Variants in VEPH1 observed in about 807,000 individuals in gnomAD.
VEPH1 encodes the protein ventricular zone-expressed PH domain-containing protein homolog 1.
In VEPH1, 80 loss-of-function variants were observed where a neutral mutation model predicts 85.2. That is an observed-to-expected ratio of 0.94 (90% confidence interval 0.78 to 1.13). The LOEUF (loss-of-function observed/expected upper bound fraction) is 1.13, where lower values mean the gene tolerates loss of function less well. Ranked by LOEUF, VEPH1 falls within the 50% of genes most tolerant of loss-of-function variation. VEPH1 has a pLI of 0.00. For missense variants in VEPH1, 955 were observed against 980.5 expected (o/e 0.97, Z 0.35); for synonymous variants, 297 against 348.0 (o/e 0.85, Z 1.63).
At chr3:157,407,168 T>A (rs1394699821) in intron 6 of VEPH1, among the ~76,000 whole-genome samples, 10 of 152,134 alleles carry the variant, frequency 6.6e-5, no homozygotes, top group Admixed American at 2.0e-4. Flanking sequence ...CCCTCTAAAG[T>A]GGAAACAAAC....
chr3:157,395,745 G>A lies in VEPH1; in HGVS notation c.907-14369C>T, dbSNP rs549634271. Among the ~76,000 whole-genome samples, 5 of 152,158 alleles carry A rather than the reference G, an allele frequency of 3.3e-5. 1 individual carries two copies. In the South Asian group the frequency reaches 1.0e-3, roughly 32 times the overall value. On this transcript the variant is annotated intron_variant, in intron 6 of 13. Transcript: ENST00000362010. ...TTTTATTTTAGGTTTGGGGGTGCAAGTGAAGGTTTGTCACATAGGTAAACA... is the reference window on the plus strand; with the variant it reads ...TTTTATTTTAGGTTTGGGGGTGCAAATGAAGGTTTGTCACATAGGTAAACA...
intron 7 of VEPH1, among the ~76,000 whole-genome samples, chr3:157,370,256 G>A (rs1340937660): frequency 6.6e-6 from 1 of 152,164 alleles, no homozygotes; most frequent in Admixed American, 6.5e-5. Context: ...ACTAAGCGGG[G>A]AGATGAGACT....
At chr3:157,469,661 A>T (rs749364492) in intron 3 of VEPH1, among the ~76,000 whole-genome samples, 1 of 152,220 alleles carries the variant, frequency 6.6e-6, no homozygotes, top group Non-Finnish European at 1.5e-5. Flanking sequence ...ACCTATCAAC[A>T]TCTCTGGTTG....
intron 5 of VEPH1, among the ~76,000 whole-genome samples, chr3:157,420,902 T>C (rs556570160): frequency 1.3e-5 from 2 of 152,222 alleles, no homozygotes; most frequent in Non-Finnish European, 2.9e-5. Flanking sequence ...GTTACTAAAC[T>C]CTGTTCCTTT....
intron 12 of VEPH1, among the ~76,000 whole-genome samples, chr3:157,277,132 C>T (rs1237377319): frequency 2.6e-5 from 4 of 152,188 alleles, no homozygotes; most frequent in Non-Finnish European, 5.9e-5. Flanking sequence ...ATCAAGTGAT[C>T]CACCCACCTG....
chr3:157,403,232 T>A (rs1333014375), intron 6 of VEPH1, among the ~76,000 whole-genome samples: 1 of 151,538 alleles, frequency 6.6e-6, no homozygotes, highest in African/African-American at 2.4e-5. Flanking sequence ...CAGATCCTAC[T>A]TGAGCTACAA....
chr3:157,282,765 G>T (rs573666982), intron 12 of VEPH1, among the ~76,000 whole-genome samples: 1 of 152,326 alleles, frequency 6.6e-6, no homozygotes, highest in South Asian at 2.1e-4. Context: ...GCAATTCCAA[G>T]ACACAAGGGC....
intron 5 of VEPH1, among the ~76,000 whole-genome samples, chr3:157,420,225 C>T (rs1421699436): frequency 1.3e-5 from 2 of 152,026 alleles, no homozygotes; most frequent in African/African-American, 4.8e-5. Flanking sequence ...TTAATGCATG[C>T]TTGGCTTAAT....
intron 11 of VEPH1, among the ~76,000 whole-genome samples, chr3:157,291,575 G>A (rs1327445293): frequency 1.3e-5 from 2 of 152,178 alleles, no homozygotes; most frequent in Non-Finnish European, 2.9e-5. Context: ...AGTCCAAGGA[G>A]GTGAGAAGGT....
intron 9 of VEPH1, among the ~76,000 whole-genome samples, chr3:157,356,176 C>T (rs1034489594): frequency 6.6e-6 from 1 of 151,918 alleles, no homozygotes; most frequent in African/African-American, 2.4e-5. Context: ...GGATTATGGG[C>T]ATGAGCCACC....
chr3:157,492,622 T>G (rs1299774898), intron 2 of VEPH1, among the ~76,000 whole-genome samples: 2 of 152,164 alleles, frequency 1.3e-5, no homozygotes, highest in African/African-American at 4.8e-5. Context: ...TAGACTCTTT[T>G]GATTGTTGGG....
intron 9 of VEPH1, among the ~76,000 whole-genome samples, chr3:157,330,048 G>T (rs1293090473): frequency 2.0e-5 from 3 of 152,136 alleles, no homozygotes; most frequent in Non-Finnish European, 4.4e-5. Context: ...GACTTTGAGT[G>T]GTGGTCTCTC....
intron 2 of VEPH1, among the ~76,000 whole-genome samples, chr3:157,492,720 TC>T (rs1739329865): frequency 6.6e-6 from 1 of 152,122 alleles, no homozygotes; most frequent in African/African-American, 2.4e-5. Context: ...CAATTTGAAC[TC>T]CCAACAATGA....
chr3:157,345,127 C>A (rs1724064558), intron 9 of VEPH1, among the ~76,000 whole-genome samples: 1 of 152,198 alleles, frequency 6.6e-6, no homozygotes, highest in Non-Finnish European at 1.5e-5. Flanking sequence ...GCAACGCCTT[C>A]ATGTCTAAAA....
At position 157,313,611 on chromosome 3, in the gene VEPH1, G is replaced by T. The variant is rs775335482; in HGVS notation, c.2010+10C>A. The T allele has an allele frequency of 6.2e-7, 1 of 1,613,576 alleles. No individual in the cohort carries two copies. The highest frequency in any genetic ancestry group is 1.3e-5 in the African/African-American group (1 of 74,910). Reference sequence around the variant, plus strand: ...TGGCCTGTAACATGGCCAAGGAAAGGAATATTTACCTTCTGCTGTGGAAAC... The same window carrying T: ...TGGCCTGTAACATGGCCAAGGAAAGTAATATTTACCTTCTGCTGTGGAAAC... On this transcript the variant is annotated intron_variant, in intron 11 of 13. Transcript: ENST00000362010.
intron 5 of VEPH1, among the ~76,000 whole-genome samples, chr3:157,423,170 T>A (rs1171617178): frequency 6.6e-6 from 1 of 152,164 alleles, no homozygotes; most frequent in African/African-American, 2.4e-5. Context: ...CACCAGGGAG[T>A]GCATATGAAT....
chr3:157,502,640 T>A (rs1469057434), intron 1 of VEPH1, among the ~76,000 whole-genome samples: 2 of 152,228 alleles, frequency 1.3e-5, no homozygotes, highest in African/African-American at 2.4e-5. Flanking sequence ...ACTCAAATAT[T>A]TCTCTAAATA....
chr3:157,276,240 A>C (rs1715367513), intron 12 of VEPH1, among the ~76,000 whole-genome samples: 2 of 152,206 alleles, frequency 1.3e-5, no homozygotes, highest in African/African-American at 4.8e-5. Context: ...ATCAAAACAT[A>C]TGCTTCTCTG....
rs148772030 is a variant in VEPH1 at position 157,422,321 on chromosome 3, C to T, written c.696+6001G>A. On this transcript the variant is annotated intron_variant, in intron 5 of 13. Coordinates refer to ENST00000362010, the MANE Select transcript of VEPH1 (RefSeq NM_001167912.2). ...AAAGCCACCTCACCCACCAAGTCACCCTTTGGTACCACCACTGTTCTTAAA... is the reference window on the plus strand; with the variant it reads ...AAAGCCACCTCACCCACCAAGTCACTCTTTGGTACCACCACTGTTCTTAAA... Among the ~76,000 whole-genome samples the T allele has an allele frequency of 2.7e-3, 416 of 152,268 alleles. 1 individual carries two copies. The highest frequency in any genetic ancestry group is 9.8e-3 in the African/African-American group (408 of 41,550).
Sources: allele counts gnomAD v4.1 joint callset (sites outside exome capture counted in the v4.1 genomes callset), GRCh38; gene constraint gnomAD v4.1.1; transcripts MANE v1.5; gene names NCBI Gene and HGNC (gene_info 2026-07-23, HGNC 2026-07-21).